The following FOXP2 variants were observed in gnomAD, a reference collection of about 807,000 sequenced individuals.
The protein encoded by FOXP2 is forkhead box protein P2.
In FOXP2, 12 loss-of-function variants were observed where a neutral mutation model predicts 115.8. The observed-to-expected ratio is 0.10, with a 90% confidence interval of 0.07 to 0.17. The LOEUF is 0.17. FOXP2 is among the 10% of genes least tolerant of loss of function. FOXP2 has a pLI of 1.00. For missense variants in FOXP2, 629 were observed against 843.5 expected (o/e 0.75, Z 3.15); for synonymous variants, 328 against 297.7 (o/e 1.10, Z -1.05).
At position 114,664,307 on chromosome 7, in the gene FOXP2, G is replaced by A; in HGVS notation, c.1874G>A (p.Ser625Asn). 1 of 1,613,472 alleles carries A rather than the reference G, an allele frequency of 6.2e-7. No individual in the cohort carries two copies. The part of the protein sequence containing the change: ...ALAESSLPLL[S>N]NPGLINNASS... The stretch of plus-strand genomic sequence containing the variant: ...GCAGAGAGCAGTTTACCTTTGCTAA[G>A]TAATCCTGGACTGATAAATAATGCA... Residue 625 changes from serine to asparagine, a missense_variant, in exon 16 of 17, where the codon AGT becomes AAT. Ser to Asn is a conservative substitution (Grantham distance 46). Coordinates refer to ENST00000350908, the MANE Select transcript of FOXP2 (RefSeq NM_014491.4).
intron 2 of FOXP2, among the ~76,000 whole-genome samples, chr7:114,320,319 T>C (rs1204045433): frequency 1.3e-5 from 2 of 152,222 alleles, no homozygotes; most frequent in African/African-American, 4.8e-5. Flanking sequence ...AACCCTGCTT[T>C]AAAAAGCCAA....
intron 2 of FOXP2, among the ~76,000 whole-genome samples, chr7:114,374,707 C>T (rs1342554363): frequency 6.6e-6 from 1 of 152,178 alleles, no homozygotes; most frequent in East Asian, 1.9e-4. Context: ...ACTGTAACTT[C>T]TTGGTTGAAG....
At chr7:114,594,888 A>G (rs1802615338) in intron 3 of FOXP2, among the ~76,000 whole-genome samples, 1 of 151,982 alleles carries the variant, frequency 6.6e-6, no homozygotes, top group Non-Finnish European at 1.5e-5. Context: ...CACTAGATGA[A>G]GGTATGTTCT....
chr7:114,152,963 C>T (rs1185486282), intron 1 of FOXP2, among the ~76,000 whole-genome samples: 3 of 152,076 alleles, frequency 2.0e-5, no homozygotes, highest in Non-Finnish European at 4.4e-5. Context: ...CAGAACATGC[C>T]TGTGGGATCT....
intron 3 of FOXP2, among the ~76,000 whole-genome samples, chr7:114,607,077 T>C (rs916618460): frequency 3.3e-5 from 5 of 152,132 alleles, no homozygotes; most frequent in African/African-American, 1.2e-4. Context: ...AGGAGGAGAA[T>C]AGGGATTCTC....
At chr7:114,322,848 G>A (rs1797459358) in intron 2 of FOXP2, among the ~76,000 whole-genome samples, 1 of 152,080 alleles carries the variant, frequency 6.6e-6, no homozygotes, top group Admixed American at 6.5e-5. Flanking sequence ...TATTTTGTTG[G>A]TTGATATTTA....
intron 2 of FOXP2, among the ~76,000 whole-genome samples, chr7:114,434,955 A>G (rs375606521): frequency 6.6e-6 from 1 of 152,152 alleles, no homozygotes. Context: ...GGAGAACCCA[A>G]CCATCCTCCT....
chr7:114,344,427 A>G (rs1313883766), intron 2 of FOXP2, among the ~76,000 whole-genome samples: 1 of 151,844 alleles, frequency 6.6e-6, no homozygotes, highest in Non-Finnish European at 1.5e-5. Flanking sequence ...GTATGCCAAC[A>G]TTGGTTGGAA....
At chr7:114,373,471 A>G (rs1792065158) in intron 2 of FOXP2, among the ~76,000 whole-genome samples, 1 of 151,686 alleles carries the variant, frequency 6.6e-6, no homozygotes, top group Admixed American at 6.6e-5. Flanking sequence ...CAAAACAAAA[A>G]ACAACTCCAA....
upstream of FOXP2, among the ~76,000 whole-genome samples, chr7:114,158,875 A>G (rs568678202): frequency 6.6e-6 from 1 of 152,200 alleles, no homozygotes; most frequent in East Asian, 1.9e-4. Context: ...TCTGAGAGCA[A>G]TCCTATCAGA....
intron 1 of FOXP2, among the ~76,000 whole-genome samples, chr7:114,272,063 T>A (rs1796075817): frequency 7.0e-6 from 1 of 142,534 alleles, no homozygotes; most frequent in Non-Finnish European, 1.5e-5. Context: ...ATATATAAAA[T>A]ATATAAATAC....
At chr7:114,627,952 A>C (rs189406873) in intron 3 of FOXP2, among the ~76,000 whole-genome samples, 1,607 of 151,852 alleles carry the variant, frequency 0.011, 30 homozygotes, top group African/African-American at 0.037. Context: ...ATATATATAT[A>C]TCTCCTATAT....
intron 1 of FOXP2, among the ~76,000 whole-genome samples, chr7:114,183,525 G>A (rs1482439096): frequency 6.6e-6 from 1 of 152,056 alleles, no homozygotes; most frequent in Non-Finnish European, 1.5e-5. Context: ...GGCATGTCAA[G>A]ACTTGTGCTG....
chr7:114,456,857 T>G (rs1022637002), intron 2 of FOXP2, among the ~76,000 whole-genome samples: 1 of 151,802 alleles, frequency 6.6e-6, no homozygotes, highest in Non-Finnish European at 1.5e-5. Flanking sequence ...AAGAAGGAAA[T>G]CCTGCCATTT....
chr7:114,592,687 G>A (rs1802497967), intron 3 of FOXP2, among the ~76,000 whole-genome samples: 1 of 151,910 alleles, frequency 6.6e-6, no homozygotes, highest in South Asian at 2.1e-4. Flanking sequence ...TACATTTAAG[G>A]ATATATTGTT....
intron 1 of FOXP2, among the ~76,000 whole-genome samples, chr7:114,237,957 G>A (rs375881282): frequency 3.9e-5 from 6 of 152,082 alleles, no homozygotes; most frequent in East Asian, 3.9e-4. Context: ...CCTGGGCAGC[G>A]GCAGAGCGAG....
rs954123433 is a variant in FOXP2 at position 114,569,079 on chromosome 7, T to A, written c.258+34373T>A. Among the ~76,000 whole-genome samples, 6 of 151,978 alleles carry A rather than the reference T, an allele frequency of 3.9e-5. No homozygotes were observed. In the East Asian group the frequency reaches 1.2e-3, roughly 29 times the overall value. On this transcript the variant is annotated intron_variant, in intron 3 of 16. Coordinates refer to ENST00000350908, the MANE Select transcript of FOXP2 (RefSeq NM_014491.4). ...TTGGAGTTATTGTGACAATCACTTA[T>A]TTTTTATGTAAATGAGCGTCTATCT...
chr7:114,364,373 C>T (rs1244722914), intron 2 of FOXP2, among the ~76,000 whole-genome samples: 1 of 152,064 alleles, frequency 6.6e-6, no homozygotes, highest in South Asian at 2.1e-4. Context: ...AGCTGGCTGG[C>T]AAATGTGTGC....
At chr7:114,432,682 C>G (rs1157187828) in intron 2 of FOXP2, among the ~76,000 whole-genome samples, 2 of 151,680 alleles carry the variant, frequency 1.3e-5, no homozygotes, top group African/African-American at 4.8e-5. Flanking sequence ...GTCTTGGGGC[C>G]TTCTATTTAC....
Sources: gnomAD v4.1 joint callset for allele counts (sites outside exome capture counted in the v4.1 genomes callset) on GRCh38, gnomAD v4.1.1 for gene constraint, MANE v1.5 for transcripts, NCBI Gene and HGNC (gene_info 2026-07-23, HGNC 2026-07-21) for gene names.